INTS2: variants seen among roughly 807,000 people sequenced by gnomAD.
The protein encoded by INTS2 is KIAA1287.
INTS2 carries 57 observed loss-of-function variants against 139.6 expected under a neutral mutation model. That is an observed-to-expected ratio of 0.41 (90% CI 0.33 to 0.51). The LOEUF is 0.51. Among genes scored for constraint, INTS2 ranks in the 20% least tolerant of loss-of-function variants. INTS2 has a pLI of 0.28. For missense variants in INTS2, 1,196 were observed against 1,436.7 expected (o/e 0.83, Z 2.71); for synonymous variants, 473 against 493.4 (o/e 0.96, Z 0.55).
chr17:61,893,898 A>G lies in INTS2; in HGVS notation c.1565T>C (p.Val522Ala). 1 of 1,554,004 alleles carries G rather than the reference A, an allele frequency of 6.4e-7. No individual in the cohort carries two copies. Among genetic ancestry groups the G allele is most frequent in the Non-Finnish European group, 8.7e-7 (1 of 1,148,190 alleles). ...IFTQEIFTEQVVTAHAVRVPV... is the reference protein window; with the variant it reads ...IFTQEIFTEQAVTAHAVRVPV... ...GACCCGAACTGCATGAGCTGTGACA[A>G]CCTAAAAGGGAAAAATAGCATTAGT... Residue 522 changes from valine (V) to alanine (A), a missense_variant and splice_region_variant, in exon 13 of 25, where the codon GTT becomes GCT. Coordinates refer to ENST00000251334, the MANE Select transcript of INTS2 (RefSeq NM_001351695.2). The surrounding 1 kb of genome is among the most constrained non-coding windows in gnomAD (Gnocchi z 5.4).
intron 9 of INTS2, among the ~76,000 whole-genome samples, chr17:61,901,095 G>C (rs528315357): frequency 3.7e-4 from 56 of 152,178 alleles, no homozygotes; most frequent in Non-Finnish European, 7.1e-4. Context: ...GGCAACAAAA[G>C]TGAGACCCCA....
In INTS2 at chr17:61,870,048, A is replaced by C; in HGVS notation, c.2779-60T>G. On this transcript the variant is annotated intron_variant, in intron 20 of 24. Transcript: ENST00000251334. The surrounding 1 kb of genome is among the most constrained non-coding windows in gnomAD (Gnocchi z 4.4). ...TTTCTAAGAAGTTAAAAAACAAATC[A>C]GATTTTATTTTCACATGAACAGATA... The C allele has an allele frequency of 6.9e-7, 1 of 1,454,482 alleles. No homozygotes were observed. Among genetic ancestry groups the C allele is most frequent in the Non-Finnish European group, 9.3e-7 (1 of 1,076,592 alleles). 90.1% of individuals were successfully genotyped at this position (1,454,482 alleles called of 1,614,324 possible).
intron 3 of INTS2, among the ~76,000 whole-genome samples, chr17:61,924,223 T>C (rs2079683824): frequency 6.6e-6 from 1 of 152,218 alleles, no homozygotes; most frequent in South Asian, 2.1e-4. Context: ...ATGAATCACA[T>C]ACATTTTTCA....
intron 9 of INTS2, among the ~76,000 whole-genome samples, chr17:61,903,244 A>G (rs1304503178): frequency 1.3e-5 from 2 of 150,044 alleles, no homozygotes; most frequent in African/African-American, 4.9e-5. Context: ...AAACAAAGAC[A>G]GGAGTCGCAC....
chr17:61,888,102 C>T (rs2079248028), intron 15 of INTS2, among the ~76,000 whole-genome samples: 1 of 147,354 alleles, frequency 6.8e-6, no homozygotes, highest in Admixed American at 6.8e-5. Context: ...TCAGGAGGAT[C>T]ACTCACACCT....
chr17:61,898,532 G>C (rs1184825462), intron 9 of INTS2, among the ~76,000 whole-genome samples: 1 of 152,142 alleles, frequency 6.6e-6, no homozygotes, highest in African/African-American at 2.4e-5. Context: ...TCGAGCTCAA[G>C]TGATACGCCT....
rs1049795652 is a variant in INTS2 at position 61,882,850 on chromosome 17, A to G, written c.2090-1679T>C. On this transcript the variant is annotated intron_variant, in intron 16 of 24. Transcript: ENST00000251334. This position sits in a 1 kb window ranked among gnomAD's most constrained non-coding sequence, Gnocchi z 4.7. ...TTGTTGCTACCATACTATTATCATC[A>G]TAACAGTAAGACTACGCAGTAGTAG... is the stretch of plus-strand genomic sequence containing the variant. Among the ~76,000 whole-genome samples the G allele has an allele frequency of 2.6e-5, 4 of 152,220 alleles. No individual in the cohort carries two copies. Among genetic ancestry groups the G allele is most frequent in the African/African-American group, 9.6e-5 (4 of 41,462 alleles).
chr17:61,883,385 A>G (rs1246618896), intron 16 of INTS2, among the ~76,000 whole-genome samples: 1 of 151,950 alleles, frequency 6.6e-6, no homozygotes, highest in Non-Finnish European at 1.5e-5. Flanking sequence ...AGACATAAGT[A>G]AATACATGCT....
intron 7 of INTS2, 124 bp downstream of exon 7, chr17:61,911,396 G>T (rs550114992): frequency 2.8e-6 from 2 of 705,984 alleles, no homozygotes; most frequent in South Asian, 8.3e-5. Context: ...ATATAAGGAG[G>T]TCCCTGAAAC....
intron 15 of INTS2, among the ~76,000 whole-genome samples, chr17:61,885,945 G>T (rs946878074): frequency 6.8e-6 from 1 of 147,644 alleles, no homozygotes; most frequent in Non-Finnish European, 1.5e-5. Context: ...AGCCAGGATG[G>T]TCTCGATCTC....
rs2079363724 is a variant in INTS2 at position 61,897,715 on chromosome 17, C to T, written c.1332G>A (p.Met444Ile). The change falls in exon 10 of 25, where the codon ATG becomes ATA. Residue 444 changes from methionine (M) to isoleucine (I), a missense_variant. By Grantham distance (10) the Met-to-Ile change is conservative (BLOSUM62 1). Coordinates refer to ENST00000251334, the MANE Select transcript of INTS2 (RefSeq NM_001351695.2). This position sits in a 1 kb window ranked among gnomAD's most constrained non-coding sequence, Gnocchi z 4.4. The part of the protein sequence containing the change: ...LVSTPEQEQL[M>I]VVWLSWMIKE... ...TTATCATCCAACTTAGCCACACCAC[C>T]ATCAGCTGCTCCTGTTCAGGTGTAC... The T allele has an allele frequency of 5.6e-6, 9 of 1,608,292 alleles. No homozygotes were observed. Among genetic ancestry groups the T allele is most frequent in the Non-Finnish European group, 6.8e-6 (8 of 1,176,974 alleles).
At chr17:61,902,105 AT>A (rs1379346048) in intron 9 of INTS2, among the ~76,000 whole-genome samples, 1 of 152,110 alleles carries the variant, frequency 6.6e-6, no homozygotes, top group Non-Finnish European at 1.5e-5. Flanking sequence ...TGACATTCTG[AT>A]TCCTGGTCCT....
Position 61,891,620 on chromosome 17 carries a change from CATCA to C in INTS2, c.1764_1767del (p.Ile588MetfsTer4). On this transcript the variant is annotated frameshift_variant, in exon 14 of 25. Coordinates refer to ENST00000251334, the MANE Select transcript of INTS2 (RefSeq NM_001351695.2). LOFTEE classifies it high-confidence loss of function. Reference sequence around the variant, plus strand: ...GGAGTAAGTATAGAATTTATGTACACATCAATCAAAGGAAGTAATTGAGGATGAA... The same window carrying C: ...GGAGTAAGTATAGAATTTATGTACACATCAAAGGAAGTAATTGAGGATGAA... The C allele has an allele frequency of 6.2e-7, 1 of 1,613,180 alleles. No individual in the cohort carries two copies. The highest frequency in any genetic ancestry group is 8.5e-7 in the Non-Finnish European group (1 of 1,179,244).
chr17:61,909,836 T>TAC lies in INTS2; in HGVS notation c.954+1683_954+1684insGT, dbSNP rs1268318336. On this transcript the variant is annotated intron_variant, in intron 7 of 24. Transcript: ENST00000251334. This position sits in a 1 kb window ranked among gnomAD's most constrained non-coding sequence, Gnocchi z 4.9. ...GTACATGTGTGTATGTGTGTGTGTGTGTGTGTGTGTGTGTGTGTGTGTGTG... is the reference window on the plus strand; with the variant it reads ...GTACATGTGTGTATGTGTGTGTGTGTACGTGTGTGTGTGTGTGTGTGTGTGTG... Among the ~76,000 whole-genome samples, 109 of 151,078 alleles carry TAC rather than the reference T, an allele frequency of 7.2e-4. No individual in the cohort carries two copies. In the East Asian group the frequency reaches 0.02, roughly 28 times the overall value.
chr17:61,896,401 T>G (rs886933711), intron 11 of INTS2, among the ~76,000 whole-genome samples: 2 of 152,150 alleles, frequency 1.3e-5, no homozygotes, highest in African/African-American at 4.8e-5. Context: ...TGTCACTGAT[T>G]TAATATTACA....
At position 61,865,668 on chromosome 17, in the gene INTS2, G is replaced by A. The variant is rs778589803; in HGVS notation, c.*1889C>T. 4.6e-5 allele frequency: 7 copies of A among 151,420 alleles called. No homozygotes were observed. The highest frequency in any genetic ancestry group is 1.0e-4 in the Non-Finnish European group (7 of 67,880). The allele number at this position is 151,420 out of a possible 1,614,324, so 9.4% of individuals were successfully genotyped here. On this transcript the variant is annotated 3_prime_UTR_variant, in exon 25 of 25. Transcript: ENST00000251334. This position sits in a 1 kb window ranked among gnomAD's most constrained non-coding sequence, Gnocchi z 4.8. ...CTTTTAACTTTTTCTGAACTCCTAGGGCATATCTATTCACACAAAATATCG... is the reference window on the plus strand; with the variant it reads ...CTTTTAACTTTTTCTGAACTCCTAGAGCATATCTATTCACACAAAATATCG...
At chr17:61,907,361 CAAG>C in intron 8 of INTS2, 44 bp downstream of exon 8, 3 of 1,471,550 alleles carry the variant, frequency 2.0e-6, no homozygotes, top group Non-Finnish European at 2.8e-6. Context: ...AGAATAGAAA[CAAG>C]AAGGTAAAAT....
At chr17:61,888,155 G>A (rs113479472) in intron 15 of INTS2, among the ~76,000 whole-genome samples, 3 of 152,056 alleles carry the variant, frequency 2.0e-5, no homozygotes, top group East Asian at 1.9e-4. Flanking sequence ...AGGACTGCTC[G>A]AGCCCAGGAG....
In INTS2 at chr17:61,867,665, A is replaced by G. The variant is rs745832171; in HGVS notation, c.3483T>C (p.Tyr1161=). 110 of 1,612,730 alleles carry G rather than the reference A, an allele frequency of 6.8e-5. No individual in the cohort carries two copies. Among genetic ancestry groups the G allele is most frequent in the Non-Finnish European group, 8.9e-5 (105 of 1,179,066 alleles). ...TTCCAGTGTCCCTGGATCCATTTTT[A>G]TAAGATGAATCTTTACAGATTTGAG... ...GWSQICKDSS[Y]KNGSRDTGSM... Residue 1161 remains tyrosine, a synonymous_variant, in exon 25 of 25, where the codon TAT becomes TAC. Coordinates refer to ENST00000251334, the MANE Select transcript of INTS2 (RefSeq NM_001351695.2). The surrounding 1 kb of genome is among the most constrained non-coding windows in gnomAD (Gnocchi z 5.6).
Sources: allele counts gnomAD v4.1 joint callset (sites outside exome capture counted in the v4.1 genomes callset), GRCh38; gene constraint gnomAD v4.1.1; non-coding constraint Gnocchi (gnomAD v3.1); transcripts MANE v1.5; gene names NCBI Gene and HGNC (gene_info 2026-07-23, HGNC 2026-07-21).